The following STAU1 variants were observed in gnomAD, a reference collection of about 807,000 sequenced individuals.
The protein encoded by STAU1 is staufen double-stranded RNA binding protein 1, also known as double-stranded RNA-binding protein Staufen homolog 1.
A neutral mutation model predicts 62.9 loss-of-function variants in STAU1; 13 were observed. That is an observed-to-expected ratio of 0.21 (90% CI 0.13 to 0.33). The LOEUF is 0.33. Ranked by LOEUF, STAU1 falls within the 10% of genes least tolerant of loss-of-function variation. STAU1 has a pLI of 1.00. For synonymous variants in STAU1, 269 were observed against 265.1 expected (o/e 1.01, Z -0.14); for missense variants, 571 against 712.1 (o/e 0.80, Z 2.25).
rs2092249255 is a variant in STAU1 at position 49,114,073 on chromosome 20, C to T, written c.*805G>A. ...AAGTCCAGGACTGTTTCAGCTGAACCAGAGGGCACACAATTTGCATCACTG... is the reference window on the plus strand; with the variant it reads ...AAGTCCAGGACTGTTTCAGCTGAACTAGAGGGCACACAATTTGCATCACTG... On this transcript the variant is annotated 3_prime_UTR_variant, in exon 14 of 14. Coordinates refer to ENST00000371856, the MANE Select transcript of STAU1 (RefSeq NM_017453.4). The T allele has an allele frequency of 1.3e-5, 2 of 152,492 alleles. No homozygotes were observed. The highest frequency in any genetic ancestry group is 1.3e-4 in the Admixed American group (2 of 15,262). 9.4% of individuals were successfully genotyped at this position (152,492 alleles called of 1,614,324 possible).
chr20:49,139,039 T>C (rs994333600), intron 5 of STAU1, among the ~76,000 whole-genome samples: 2 of 151,912 alleles, frequency 1.3e-5, no homozygotes, highest in East Asian at 3.9e-4. Context: ...AAACTAGATA[T>C]CCACATGCAA....
At chr20:49,161,705 C>A (rs897811431) in intron 3 of STAU1, among the ~76,000 whole-genome samples, 1 of 152,124 alleles carries the variant, frequency 6.6e-6, no homozygotes, top group Non-Finnish European at 1.5e-5. Flanking sequence ...ACGTTAAGAG[C>A]ACTGAAGTCA....
intron 4 of STAU1, among the ~76,000 whole-genome samples, chr20:49,153,319 G>A (rs112789620): frequency 0.011 from 1,602 of 150,090 alleles, 36 homozygotes; most frequent in African/African-American, 0.036. Flanking sequence ...CTAGCACTGC[G>A]GGAGGCCAAG....
the STAU1 span, among the ~76,000 whole-genome samples, chr20:49,196,988 T>C: frequency 1.8e-4 from 27 of 151,970 alleles, no homozygotes; most frequent in East Asian, 5.1e-3. Context: ...GAAACGTCTC[T>C]ACTAAAATAC....
rs184004638 is a variant in STAU1 at position 49,174,904 on chromosome 20, A to G, written c.-159-635T>C. ...AGCAGAGATCGCACCACTGCACTCC[A>G]GCCTGGGTGACAGAGTGAGACTCCG... On this transcript the variant is annotated intron_variant, in intron 1 of 13. Transcript: ENST00000371856. Among the ~76,000 whole-genome samples, 25 of 148,236 alleles carry G rather than the reference A, an allele frequency of 1.7e-4. No individual in the cohort carries two copies. The East Asian group carries it at 4.9e-3, about 29-fold the overall frequency.
chr20:49,126,870 G>A (rs2092639592), intron 6 of STAU1, among the ~76,000 whole-genome samples: 1 of 150,582 alleles, frequency 6.6e-6, no homozygotes, highest in African/African-American at 2.5e-5. Flanking sequence ...GCGGGGTGGG[G>A]GGAAGAAAAA....
chr20:49,194,634 G>A, the STAU1 span, among the ~76,000 whole-genome samples: 3 of 151,910 alleles, frequency 2.0e-5, no homozygotes. Flanking sequence ...CTGCAGTGCA[G>A]TGGCACGATC....
Position 49,136,461 on chromosome 20 carries a change from A to G in STAU1, c.511-530T>C, listed in dbSNP as rs372133247. ...TCAAGTTTGAGTCAAATTGTACCTC[A>G]TAAGTTCACCAAAAACAATCCGCAC... is the stretch of plus-strand genomic sequence containing the variant. On this transcript the variant is annotated intron_variant, in intron 5 of 13. Coordinates refer to ENST00000371856, the MANE Select transcript of STAU1 (RefSeq NM_017453.4). Among the ~76,000 whole-genome samples the G allele has an allele frequency of 3.3e-5, 5 of 152,366 alleles. No homozygotes were observed. The East Asian group carries it at 7.7e-4, about 23-fold the overall frequency.
intron 5 of STAU1, among the ~76,000 whole-genome samples, chr20:49,145,662 G>A (rs1239825678): frequency 2.0e-5 from 3 of 151,804 alleles, no homozygotes; most frequent in Non-Finnish European, 2.9e-5. Flanking sequence ...TCAGGGAGTC[G>A]GAGGTTGCAG....
At chr20:49,161,557 T>C (rs2093448812) in intron 3 of STAU1, among the ~76,000 whole-genome samples, 1 of 152,180 alleles carries the variant, frequency 6.6e-6, no homozygotes, top group Admixed American at 6.5e-5. Flanking sequence ...ATGGACAATA[T>C]TTACCTTACA....
At chr20:49,170,265 T>C (rs1287792302) in intron 2 of STAU1, among the ~76,000 whole-genome samples, 1 of 152,232 alleles carries the variant, frequency 6.6e-6, no homozygotes, top group East Asian at 1.9e-4. Context: ...TTTAATTATC[T>C]TGTGCTACTA....
chr20:49,124,381 T>G lies in STAU1; in HGVS notation c.816A>C (p.Ile272=), dbSNP rs767709302. ...TGTTCAGAAAAGTTCTCACCTTGAC[T>G]ATGGGTTTTGTTTTCTTTTTGATTC... The part of the protein sequence containing the change: ...KPRIKKKTKP[I]VKPQTSPEYG... The change falls in exon 7 of 14, where the codon ATA becomes ATC. Residue 272 remains isoleucine (I), a synonymous_variant. Transcript: ENST00000371856. 1.7e-5 allele frequency: 28 copies of G among 1,613,754 alleles called. No homozygotes were observed. The highest frequency in any genetic ancestry group is 2.4e-5 in the Non-Finnish European group (28 of 1,179,978).
At chr20:49,122,195 A>T (rs78864916) in intron 8 of STAU1, among the ~76,000 whole-genome samples, 1,737 of 152,300 alleles carry the variant, frequency 0.011, 39 homozygotes, top group African/African-American at 0.039. Flanking sequence ...ATGTGAAATG[A>T]CCACTTAGCT....
At position 49,113,866 on chromosome 20, in the gene STAU1, T is replaced by TA. The variant is rs1157880312; in HGVS notation, c.*1011dup. ...GTGAAAGCTAAGTCCTCAAGAGCCA[T>TA]ATGTATAGATACACAATGTTTTTTA... On this transcript the variant is annotated 3_prime_UTR_variant, in exon 14 of 14. Coordinates refer to ENST00000371856, the MANE Select transcript of STAU1 (RefSeq NM_017453.4). 5 of 152,662 alleles carry TA rather than the reference T, an allele frequency of 3.3e-5. No individual in the cohort carries two copies. The highest frequency in any genetic ancestry group is 1.2e-4 in the African/African-American group (5 of 41,460). 9.5% of individuals were successfully genotyped at this position (152,662 alleles called of 1,614,324 possible).
the STAU1 span, among the ~76,000 whole-genome samples, chr20:49,218,108 C>T: frequency 9.8e-4 from 149 of 151,818 alleles, 1 homozygote; most frequent in East Asian, 1.6e-3. Context: ...CTCCTGACCT[C>T]AGGTGATCCA....
chr20:49,207,943 T>C, the STAU1 span, among the ~76,000 whole-genome samples: 9 of 151,880 alleles, frequency 5.9e-5, no homozygotes, highest in Non-Finnish European at 1.0e-4. Context: ...TGCGGTGGCA[T>C]GATCTCGGCT....
intron 3 of STAU1, among the ~76,000 whole-genome samples, chr20:49,160,915 G>C (rs1415986184): frequency 3.3e-5 from 5 of 152,170 alleles, no homozygotes. Context: ...GAAGTAAGCT[G>C]CAGACAAGAG....
Position 49,118,326 on chromosome 20 carries a change from CACTT to C in STAU1, c.1189+3_1189+6del. On this transcript the variant is annotated splice_donor_5th_base_variant and intron_variant, in intron 10 of 13. Transcript: ENST00000371856. The stretch of plus-strand genomic sequence containing the variant: ...TCAGAGGAAGACGATATTAAGATCA[CACTT>C]ACTAGTCCCATTTTCATCCCCAGAG... The C allele has an allele frequency of 6.2e-7, 1 of 1,611,264 alleles. No homozygotes were observed. The highest frequency in any genetic ancestry group is 8.5e-7 in the Non-Finnish European group (1 of 1,178,410).
intron 5 of STAU1, among the ~76,000 whole-genome samples, chr20:49,146,876 C>T (rs1004617331): frequency 1.3e-5 from 2 of 152,102 alleles, no homozygotes; most frequent in African/African-American, 4.8e-5. Flanking sequence ...TTTTTAACCA[C>T]TTTCCTAGTA....
Sources: allele counts gnomAD v4.1 joint callset (sites outside exome capture counted in the v4.1 genomes callset), GRCh38; gene constraint gnomAD v4.1.1; transcripts MANE v1.5; gene names NCBI Gene and HGNC (gene_info 2026-07-23, HGNC 2026-07-21).